IARS2: variants seen among roughly 807,000 people sequenced by gnomAD.
IARS2 encodes the protein isoleucine--tRNA ligase, mitochondrial.
Under a neutral mutation model 126.3 loss-of-function variants are expected in IARS2, and 56 were observed. The observed-to-expected ratio is 0.44, with a 90% confidence interval of 0.36 to 0.55. The LOEUF is 0.55. IARS2 is among the 20% of genes least tolerant of loss of function. The probability of loss-of-function intolerance (pLI) is 0.00; values close to 1 mark genes in which losing one functional copy is unlikely to be tolerated. For missense variants in IARS2, 1,127 were observed against 1,245.9 expected, an observed-to-expected ratio of 0.90 and a Z score of 1.44; for synonymous variants, 407 against 441.1, an observed-to-expected ratio of 0.92 and a Z score of 0.97.
intron 11 of IARS2, among the ~76,000 whole-genome samples, chr1:220,111,790 A>G (rs1052090057): frequency 1.3e-5 from 2 of 152,072 alleles, no homozygotes; most frequent in African/African-American, 2.4e-5. Flanking sequence ...AAAGCTTTTT[A>G]TAGCAGTTTA....
chr1:220,142,980 C>G lies in IARS2; in HGVS notation c.2597C>G (p.Thr866Ser). The part of the protein sequence containing the change: ...KSVFRTGWIS[T>S]SSIWKKPGLE... Reference sequence around the variant, plus strand: ...GTTTTCCGTACTGGGTGGATTAGTACTAGTTCTATCTGGAAAAAGCCCGGG... The same window carrying G: ...GTTTTCCGTACTGGGTGGATTAGTAGTAGTTCTATCTGGAAAAAGCCCGGG... The change falls in exon 21 of 23, where the codon ACT becomes AGT. Residue 866 changes from threonine to serine, a missense_variant. Physicochemically the swap from Thr to Ser is moderately conservative, Grantham distance 58. Coordinates refer to ENST00000366922, the MANE Select transcript of IARS2 (RefSeq NM_018060.4). 2 of 1,613,952 alleles carry G rather than the reference C, an allele frequency of 1.2e-6. No individual in the cohort carries two copies. The highest frequency in any genetic ancestry group is 1.7e-6 in the Non-Finnish European group (2 of 1,179,926).
chr1:220,104,135 G>A (rs1393648473), intron 8 of IARS2, among the ~76,000 whole-genome samples: 1 of 152,086 alleles, frequency 6.6e-6, no homozygotes, highest in Non-Finnish European at 1.5e-5. Flanking sequence ...CACTGCACCC[G>A]GCTAATTTTG....
chr1:220,138,680 G>A (rs550338561), intron 17 of IARS2, among the ~76,000 whole-genome samples: 18 of 151,850 alleles, frequency 1.2e-4, no homozygotes, highest in African/African-American at 4.4e-4. Flanking sequence ...TCATTGTGAA[G>A]CAAGTGAAAT....
intron 10 of IARS2, among the ~76,000 whole-genome samples, chr1:220,107,774 A>T (rs1042555766): frequency 6.6e-6 from 1 of 152,140 alleles, no homozygotes; most frequent in African/African-American, 2.4e-5. Flanking sequence ...GTTTTCCTGA[A>T]GGTTTTATGG....
At chr1:220,111,034 G>T in intron 11 of IARS2, 97 bp downstream of exon 11, 2 of 1,073,060 alleles carry the variant, frequency 1.9e-6, no homozygotes, top group Non-Finnish European at 1.3e-6. Flanking sequence ...GGAGTAATAG[G>T]GATTGCTGCT....
intron 10 of IARS2, 118 bp downstream of exon 10, chr1:220,107,269 GT>G (rs1000791145): frequency 3.6e-5 from 24 of 673,526 alleles, no homozygotes; most frequent in Non-Finnish European, 6.0e-5. Flanking sequence ...ATTATGTCTT[GT>G]TTTGCCATAT....
intron 3 of IARS2, among the ~76,000 whole-genome samples, chr1:220,101,857 C>T (rs370600549): frequency 1.1e-4 from 16 of 152,190 alleles, no homozygotes; most frequent in South Asian, 4.2e-4. Flanking sequence ...AAAAATTAGC[C>T]GGGCGTGGTG....
chr1:220,129,987 A>G (rs1024344327), intron 14 of IARS2, among the ~76,000 whole-genome samples: 26 of 152,196 alleles, frequency 1.7e-4, no homozygotes. Flanking sequence ...AGTGTATAAT[A>G]GTTCCATTCT....
intron 11 of IARS2, among the ~76,000 whole-genome samples, chr1:220,112,259 C>T (rs1250895628): frequency 1.7e-5 from 2 of 116,542 alleles, no homozygotes; most frequent in East Asian, 2.4e-4. Context: ...CTCAGCCTCC[C>T]GAGTAGCTGG....
chr1:220,117,005 C>T (rs934231052), intron 12 of IARS2, among the ~76,000 whole-genome samples: 1 of 151,988 alleles, frequency 6.6e-6, no homozygotes, highest in African/African-American at 2.4e-5. Context: ...CTCTGCCTCC[C>T]AGAGTGCTGA....
intron 14 of IARS2, among the ~76,000 whole-genome samples, chr1:220,131,245 C>T (rs868607404): frequency 2.3e-4 from 35 of 151,724 alleles, no homozygotes; most frequent in South Asian, 1.0e-3. Context: ...GGCACAGTCT[C>T]GGCTCACTGC....
rs775422624 is a variant in IARS2 at position 220,136,907 on chromosome 1, G to A, written c.2045G>A (p.Gly682Glu). 31 of 1,575,870 alleles carry A rather than the reference G, an allele frequency of 2.0e-5. No individual in the cohort carries two copies. Among genetic ancestry groups the A allele is most frequent in the African/African-American group, 4.1e-5 (3 of 73,954 alleles). Residue 682 changes from glycine to glutamate, a missense_variant, in exon 16 of 23, where the codon GGA (glycine) becomes GAA (glutamate). Coordinates refer to ENST00000366922, the MANE Select transcript of IARS2 (RefSeq NM_018060.4). Reference protein sequence around the residue: ...VIHPDVVVNGGQDQSKEPPYG... With the variant: ...VIHPDVVVNGEQDQSKEPPYG... ...CATCCTGATGTTGTCGTTAATGGAG[G>A]ACAAGTAGGTGATTCTCTAAAATGT...
In IARS2 at chr1:220,114,319, G is replaced by A. The variant is rs139481599; in HGVS notation, c.1485G>A (p.Leu495=). ...ITDIKTAAKE[L]LKKVKFIPGS... ...GATTTATGAATTAATTGCAGGAATTGTTAAAAAAGGTGAAATTTATTCCTG... is the reference window on the plus strand; with the variant it reads ...GATTTATGAATTAATTGCAGGAATTATTAAAAAAGGTGAAATTTATTCCTG... Residue 495 remains leucine (L), a synonymous_variant, in exon 12 of 23, where the codon TTG becomes TTA. Coordinates refer to ENST00000366922, the MANE Select transcript of IARS2 (RefSeq NM_018060.4). 8.7e-6 allele frequency: 14 copies of A among 1,613,010 alleles called. No individual in the cohort carries two copies. The highest frequency in any genetic ancestry group is 5.3e-5 in the African/African-American group (4 of 74,898).
chr1:220,135,258 T>C (rs755836273), intron 15 of IARS2, among the ~76,000 whole-genome samples: 39 of 152,372 alleles, frequency 2.6e-4, no homozygotes, highest in Non-Finnish European at 5.3e-4. Flanking sequence ...ACATAATTAC[T>C]TTTTCAAACG....
chr1:220,145,569 G>C lies in IARS2; in HGVS notation c.2812G>C (p.Glu938Gln), dbSNP rs1363285459. 2 of 1,613,820 alleles carry C rather than the reference G, an allele frequency of 1.2e-6. No individual in the cohort carries two copies. Among genetic ancestry groups the C allele is most frequent in the South Asian group, 1.1e-5 (1 of 91,040 alleles). Reference sequence around the variant, plus strand: ...GTTGAATGAATTAATGATGGCTTCTGAGTCAACTTTACTGGCTCAGGAACC... The same window carrying C: ...GTTGAATGAATTAATGATGGCTTCTCAGTCAACTTTACTGGCTCAGGAACC... ...SQLNELMMAS[E>Q]STLLAQEPRE... Residue 938 changes from glutamate to glutamine, a missense_variant, in exon 22 of 23, where the codon GAG becomes CAG. Transcript: ENST00000366922.
rs762693000 is a variant in IARS2 at position 220,102,786 on chromosome 1, A to C, written c.950+9A>C. 6.5e-7 allele frequency: 1 copy of C among 1,541,924 alleles called. No homozygotes were observed. The highest frequency in any genetic ancestry group is 1.1e-5 in the South Asian group (1 of 89,294). ...TATATGCCTGAATCAAAGTGGGTAT[A>C]TTATTGCATTTTTTGTTTTATACAC... On this transcript the variant is annotated intron_variant, in intron 7 of 22. Coordinates refer to ENST00000366922, the MANE Select transcript of IARS2 (RefSeq NM_018060.4).
intron 2 of IARS2, among the ~76,000 whole-genome samples, chr1:220,096,873 C>T (rs1226541135): frequency 1.3e-5 from 2 of 152,090 alleles, no homozygotes; most frequent in African/African-American, 4.8e-5. Context: ...GGTGAAACCC[C>T]GTCTCTACTA....
intron 12 of IARS2, among the ~76,000 whole-genome samples, chr1:220,116,115 G>A (rs530309509): frequency 2.0e-5 from 3 of 152,098 alleles, no homozygotes; most frequent in Non-Finnish European, 2.9e-5. Context: ...AGGCTAAGGC[G>A]AGAGGATCGC....
chr1:220,142,040 T>C (rs1657502103), intron 20 of IARS2, 92 bp downstream of exon 20: 12 of 1,244,988 alleles, frequency 9.6e-6, no homozygotes, highest in Admixed American at 3.8e-5. Context: ...GGGGCACTTA[T>C]CCATTTACAG....
Sources: allele counts gnomAD v4.1 joint callset (sites outside exome capture counted in the v4.1 genomes callset), GRCh38; gene constraint gnomAD v4.1.1; transcripts MANE v1.5; gene names NCBI Gene and HGNC (gene_info 2026-07-23, HGNC 2026-07-21).